The following PDE8A variants were observed in gnomAD, a reference collection of about 807,000 sequenced individuals.
PDE8A encodes high affinity cAMP-specific and IBMX-insensitive 3',5'-cyclic phosphodiesterase 8A.
In PDE8A, 59 loss-of-function variants were observed where a neutral mutation model predicts 105.0. The observed-to-expected ratio is 0.56, with a 90% confidence interval of 0.46 to 0.70. The LOEUF (loss-of-function observed/expected upper bound fraction) is 0.70. Among genes scored for constraint, PDE8A ranks in the 30% least tolerant of loss-of-function variants. PDE8A has a pLI of 0.00. For synonymous variants in PDE8A, 355 were observed against 371.9 expected (o/e 0.95, Z 0.52); for missense variants, 1,014 against 1,045.9 (o/e 0.97, Z 0.42).
At position 85,017,887 on chromosome 15, in the gene PDE8A, C is replaced by CAAA. The variant is rs35782842; in HGVS notation, c.186+35549_186+35551dup. ...GAGCAACAGGAGCGAAACTCCGTCT[C>CAAA]AAAAAAAAAAAAGCAATAGTGGGAG... is the stretch of plus-strand genomic sequence containing the variant. On this transcript the variant is annotated intron_variant, in intron 1 of 21. Coordinates refer to ENST00000394553, the MANE Select transcript of PDE8A (RefSeq NM_002605.3). 4.9e-5 allele frequency among the ~76,000 whole-genome samples: 4 copies of CAAA among 81,290 alleles called. 1 individual carries two copies. The East Asian group carries it at 1.3e-3, about 26-fold the overall frequency. The allele number at this position is 81,290 out of a possible 152,430, so 53.3% of individuals were successfully genotyped here. A position where few individuals can be genotyped will look rare whatever the true frequency, so the allele number is the denominator to read the frequency against.
chr15:84,981,980 C>T lies in PDE8A; in HGVS notation c.-183C>T, dbSNP rs977921930. On this transcript the variant is annotated 5_prime_UTR_variant, in exon 1 of 22. Transcript: ENST00000394553. ...CGCCCCCTTCCCACCGCAGCCGCCG[C>T]CGCCGCAGCGCCCGCACCGCGATAA... The T allele has an allele frequency of 2.3e-4, 69 of 303,978 alleles. No individual in the cohort carries two copies. Among genetic ancestry groups the T allele is most frequent in the African/African-American group, 1.5e-3 (68 of 45,136 alleles). 18.8% of individuals were successfully genotyped at this position (303,978 alleles called of 1,614,324 possible). A position where few individuals can be genotyped will look rare whatever the true frequency, so the allele number is the denominator to read the frequency against.
chr15:85,023,724 T>G (rs1363786686), intron 1 of PDE8A, among the ~76,000 whole-genome samples: 1 of 152,016 alleles, frequency 6.6e-6, no homozygotes, highest in East Asian at 1.9e-4. Context: ...GATCACTGGG[T>G]TGTGAGAAAA....
intron 14 of PDE8A, chr15:85,115,175 C>T (rs1443766600): frequency 4.6e-6 from 2 of 438,206 alleles, no homozygotes; most frequent in Non-Finnish European, 4.0e-6. Flanking sequence ...TGCAGGCTCA[C>T]CTCCCGGGTG....
Position 85,126,360 on chromosome 15 carries a change from G to T in PDE8A, c.2239G>T (p.Glu747Ter). ...CIEWAARISE[E>*]YFSQTDEEKQ... ...CGAGTGGGCTGCACGCATTTCGGAA[G>T]AATATTTTTCTCAGGTAAGTTGCTG... The change falls in exon 20 of 22, where the codon GAA (glutamate) becomes TAA (stop). Residue 747 changes from glutamate (E) to a stop codon, truncating the protein, a stop_gained. Coordinates refer to ENST00000394553, the MANE Select transcript of PDE8A (RefSeq NM_002605.3). LOFTEE classifies it high-confidence loss of function. 2 of 1,579,126 alleles carry T rather than the reference G, an allele frequency of 1.3e-6. No individual in the cohort carries two copies. Among genetic ancestry groups the T allele is most frequent in the East Asian group, 2.3e-5 (1 of 43,862 alleles).
At chr15:85,021,165 GC>G (rs1316492961) in intron 1 of PDE8A, among the ~76,000 whole-genome samples, 3 of 152,164 alleles carry the variant, frequency 2.0e-5, no homozygotes, top group African/African-American at 7.2e-5. Context: ...CATAGCAGGT[GC>G]CATCTATGAA....
intron 3 of PDE8A, among the ~76,000 whole-genome samples, chr15:85,074,436 T>C (rs1194824702): frequency 6.6e-6 from 1 of 152,236 alleles, no homozygotes; most frequent in Non-Finnish European, 1.5e-5. Flanking sequence ...GTGTGCTGGC[T>C]CACGCCTGTA....
chr15:85,027,150 G>A lies in PDE8A; in HGVS notation c.187-37220G>A, dbSNP rs1214033291. On this transcript the variant is annotated intron_variant, in intron 1 of 21. Coordinates refer to ENST00000394553, the MANE Select transcript of PDE8A (RefSeq NM_002605.3). ...CTTTGCCCTCCAGGACTCCCTGAAG[G>A]CCTTGTTGGACTGTGGACCAGACTT... is the stretch of plus-strand genomic sequence containing the variant. 2.0e-5 allele frequency among the ~76,000 whole-genome samples: 3 copies of A among 152,164 alleles called. No individual in the cohort carries two copies. The East Asian group carries it at 5.8e-4, about 29-fold the overall frequency.
At chr15:85,003,789 C>A (rs529159042) in intron 1 of PDE8A, among the ~76,000 whole-genome samples, 1 of 152,272 alleles carries the variant, frequency 6.6e-6, no homozygotes, top group African/African-American at 2.4e-5. Context: ...TATTTAATTA[C>A]CCTGCATTGC....
chr15:85,137,687 C>T (rs2082434466), intron 21 of PDE8A, 110 bp from the exon 22 acceptor site: 2 of 706,210 alleles, frequency 2.8e-6, no homozygotes, highest in South Asian at 1.7e-5. Context: ...TCTGTTTAGC[C>T]TCACGCAGAT....
chr15:85,073,614 G>C (rs1396536257), intron 3 of PDE8A, among the ~76,000 whole-genome samples: 1 of 152,202 alleles, frequency 6.6e-6, no homozygotes, highest in Non-Finnish European at 1.5e-5. Context: ...GTTTGAAATG[G>C]CTACATACTT....
chr15:85,115,398 G>A, intron 14 of PDE8A, 41 bp from the exon 15 acceptor site: 2 of 1,372,246 alleles, frequency 1.5e-6, no homozygotes, highest in Non-Finnish European at 2.0e-6. Flanking sequence ...GGAAAGAATA[G>A]TTGTGACTTT....
chr15:85,100,253 T>A, intron 11 of PDE8A, 55 bp downstream of exon 11: 2 of 1,447,622 alleles, frequency 1.4e-6, no homozygotes, highest in Non-Finnish European at 1.9e-6. Flanking sequence ...AGAAAAAAAA[T>A]AAAAACAGAT....
In PDE8A at chr15:85,119,205, A is replaced by G. The variant is rs370973768; in HGVS notation, c.1734+1366A>G. Among the ~76,000 whole-genome samples the G allele has an allele frequency of 7.2e-4, 109 of 152,232 alleles. 4 individuals are homozygous for G. The East Asian group carries it at 0.012, about 16-fold the overall frequency. ...TTATTAGAGCATTTATTGAAATGTCATGGTGGCTCACACCTGTAATCCCAG... is the reference window on the plus strand; with the variant it reads ...TTATTAGAGCATTTATTGAAATGTCGTGGTGGCTCACACCTGTAATCCCAG... On this transcript the variant is annotated intron_variant, in intron 17 of 21. Transcript: ENST00000394553.
At chr15:85,001,449 G>T (rs2080066568) in intron 1 of PDE8A, among the ~76,000 whole-genome samples, 1 of 152,196 alleles carries the variant, frequency 6.6e-6, no homozygotes, top group African/African-American at 2.4e-5. Flanking sequence ...TCAGAGGATG[G>T]AGAGGTTCCT....
intron 3 of PDE8A, among the ~76,000 whole-genome samples, chr15:85,068,318 G>T (rs896791787): frequency 6.6e-6 from 1 of 152,144 alleles, no homozygotes; most frequent in Non-Finnish European, 1.5e-5. Context: ...GGGATTACAG[G>T]TGTGAGCCAC....
At chr15:85,071,572 G>T (rs1266712765) in intron 3 of PDE8A, among the ~76,000 whole-genome samples, 1 of 152,236 alleles carries the variant, frequency 6.6e-6, no homozygotes, top group African/African-American at 2.4e-5. Flanking sequence ...GAATCAGAGA[G>T]AACAGGCCAG....
At chr15:85,028,978 G>A (rs2080565974) in intron 1 of PDE8A, among the ~76,000 whole-genome samples, 1 of 152,158 alleles carries the variant, frequency 6.6e-6, no homozygotes, top group South Asian at 2.1e-4. Flanking sequence ...GCAGCACAAA[G>A]TAATCTGTCG....
chr15:85,025,146 A>C (rs139401139), intron 1 of PDE8A, among the ~76,000 whole-genome samples: 199 of 152,272 alleles, frequency 1.3e-3, no homozygotes, highest in African/African-American at 4.6e-3. Flanking sequence ...TGCTCTTCAC[A>C]TCCTAAGGCC....
chr15:84,982,259 C>A lies in PDE8A; in HGVS notation c.97C>A (p.Leu33Ile), dbSNP rs994946247. Residue 33 changes from leucine (L) to isoleucine (I), a missense_variant, in exon 1 of 22, where the codon CTC (leucine) becomes ATC (isoleucine). Leu to Ile is a conservative substitution (Grantham distance 5, BLOSUM62 2). Transcript: ENST00000394553. Reference protein sequence around the residue: ...APPLSSGGPRLPQGQKTAALP... With the variant: ...APPLSSGGPRIPQGQKTAALP... Reference sequence around the variant, plus strand: ...GCCGCTGTCGTCCGGCGGGCCGCGCCTCCCGCAGGGCCAGAAGACGGCCGC... The same window carrying A: ...GCCGCTGTCGTCCGGCGGGCCGCGCATCCCGCAGGGCCAGAAGACGGCCGC... The A allele has an allele frequency of 6.9e-7, 1 of 1,455,662 alleles. No individual in the cohort carries two copies. Among genetic ancestry groups the A allele is most frequent in the South Asian group, 1.3e-5 (1 of 74,896 alleles). 90.2% of individuals were successfully genotyped at this position (1,455,662 alleles called of 1,614,324 possible).
Sources: gnomAD v4.1 joint callset for allele counts (sites outside exome capture counted in the v4.1 genomes callset) on GRCh38, gnomAD v4.1.1 for gene constraint, MANE v1.5 for transcripts, NCBI Gene and HGNC (gene_info 2026-07-23, HGNC 2026-07-21) for gene names.